DHCR7: variants seen among roughly 807,000 people sequenced by gnomAD.
DHCR7 encodes the protein 7-DHC reductase.
DHCR7 carries 40 observed loss-of-function variants against 43.3 expected under a neutral mutation model. The observed-to-expected ratio is 0.92, with a 90% CI of 0.72 to 1.20. DHCR7 has a LOEUF of 1.20. Ranked by LOEUF, DHCR7 falls within the 50% of genes most tolerant of loss-of-function variation. The probability of loss-of-function intolerance (pLI) is 0.00; values close to 1 mark genes in which losing one functional copy is unlikely to be tolerated. For missense variants in DHCR7, 608 were observed against 644.6 expected, an observed-to-expected ratio of 0.94 and a Z score of 0.62; for synonymous variants, 298 against 271.4, an observed-to-expected ratio of 1.10 and a Z score of -0.96.
chr11:71,437,490 C>T (rs1949296734), intron 8 of DHCR7, among the ~76,000 whole-genome samples: 1 of 152,114 alleles, frequency 6.6e-6, no homozygotes, highest in African/African-American at 2.4e-5. Context: ...GCAGCCCTGC[C>T]CCAGTGCCCA....
chr11:71,445,100 T>C lies in DHCR7; in HGVS notation c.-6-142A>G, dbSNP rs1207956098. 5 of 713,122 alleles carry C rather than the reference T, an allele frequency of 7.0e-6. No homozygotes were observed. The Admixed American group carries it at 1.1e-4, about 15-fold the overall frequency. The allele number at this position is 713,122 out of a possible 1,614,324, so 44.2% of individuals were successfully genotyped here. Reference sequence around the variant, plus strand: ...CGGTACCTTGTTCCTGACAGCAGATTCCAGGCAGGGAAGAGATCATCTTGT... The same window carrying C: ...CGGTACCTTGTTCCTGACAGCAGATCCCAGGCAGGGAAGAGATCATCTTGT... On this transcript the variant is annotated intron_variant, in intron 2 of 8. Transcript: ENST00000355527.
At chr11:71,437,784 G>T in intron 8 of DHCR7, 28 bp downstream of exon 8, 1 of 1,613,182 alleles carries the variant, frequency 6.2e-7, no homozygotes, top group East Asian at 2.2e-5. Flanking sequence ...CAAATGCCCC[G>T]CTGGGCCAGC....
intron 6 of DHCR7, among the ~76,000 whole-genome samples, chr11:71,440,626 GGAT>G (rs1949338859): frequency 6.6e-6 from 1 of 150,876 alleles, no homozygotes; most frequent in African/African-American, 2.4e-5. Context: ...TGTGGGTGAT[GGAT>G]AGGTGGATGG....
intron 4 of DHCR7, among the ~76,000 whole-genome samples, chr11:71,443,108 C>CG (rs1381329240): frequency 5.9e-5 from 9 of 152,234 alleles, no homozygotes; most frequent in African/African-American, 2.2e-4. Flanking sequence ...GGGTCATCCG[C>CG]CTACTGGCAT....
chr11:71,446,798 AG>A (rs1252079707), intron 2 of DHCR7, among the ~76,000 whole-genome samples: 5 of 152,274 alleles, frequency 3.3e-5, no homozygotes, highest in Non-Finnish European at 7.3e-5. Context: ...AGTTCTTGAT[AG>A]GAAGAGACCG....
At chr11:71,444,256 G>A (rs1949381590) in intron 3 of DHCR7, 41 bp from the exon 4 acceptor site, 1 of 1,494,638 alleles carries the variant, frequency 6.7e-7, no homozygotes, top group Non-Finnish European at 9.1e-7. Context: ...GGGCCCATCT[G>A]CCCTGGGCCC....
Position 71,437,963 on chromosome 11 carries a change from G to C in DHCR7, c.832-20C>G. On this transcript the variant is annotated intron_variant, in intron 7 of 8. Coordinates refer to ENST00000355527, the MANE Select transcript of DHCR7 (RefSeq NM_001360.3). ...GATGGCCTGCAAGACAGAAGCAGCC[G>C]CTGACCACCCCCGGCCCTCCTGGGG... is the stretch of plus-strand genomic sequence containing the variant. 1 of 1,610,988 alleles carries C rather than the reference G, an allele frequency of 6.2e-7. No individual in the cohort carries two copies. Among genetic ancestry groups the C allele is most frequent in the Non-Finnish European group, 8.5e-7 (1 of 1,179,930 alleles).
At chr11:71,441,942 C>A (rs78311914) in intron 5 of DHCR7, among the ~76,000 whole-genome samples, 1 of 152,174 alleles carries the variant, frequency 6.6e-6, no homozygotes, top group Non-Finnish European at 1.5e-5. Context: ...AGGTCTCCCA[C>A]GGACAGCCCC....
rs1316084875 is a variant in DHCR7 at position 71,435,573 on chromosome 11, G to A, written c.1230C>T (p.Gly410=). 2.5e-6 allele frequency: 4 copies of A among 1,610,728 alleles called. No homozygotes were observed. The highest frequency in any genetic ancestry group is 2.2e-5 in the East Asian group (1 of 44,878). The change falls in exon 9 of 9, where the codon GGC becomes GGT. Residue 410 remains glycine, a synonymous_variant. Transcript: ENST00000355527. ...WGVARHFNYV[G]DLMGSLAYCL... ...AGTAGGCCAGGCTGCCCATCAGGTCGCCGACGTAGTTGAAGTGGCGGGCCA... is the reference window on the plus strand; with the variant it reads ...AGTAGGCCAGGCTGCCCATCAGGTCACCGACGTAGTTGAAGTGGCGGGCCA...
At position 71,437,921 on chromosome 11, in the gene DHCR7, A is replaced by G; in HGVS notation, c.854T>C (p.Phe285Ser). ...CTTCAGGTACCAGGTTTCGTTCCAGAAGAAGTCAATCACGTAGATGGCCTG... is the reference window on the plus strand; with the variant it reads ...CTTCAGGTACCAGGTTTCGTTCCAGGAGAAGTCAATCACGTAGATGGCCTG... ...VLQAIYVIDF[F>S]WNETWYLKTI... is the part of the protein sequence containing the mutation. The change falls in exon 8 of 9, where the codon TTC becomes TCC. Residue 285 changes from phenylalanine (F) to serine (S), a missense_variant. Coordinates refer to ENST00000355527, the MANE Select transcript of DHCR7 (RefSeq NM_001360.3). 6.2e-7 allele frequency: 1 copy of G among 1,613,716 alleles called. No individual in the cohort carries two copies. The highest frequency in any genetic ancestry group is 8.5e-7 in the Non-Finnish European group (1 of 1,180,008).
intron 3 of DHCR7, 150 bp from the exon 4 acceptor site, chr11:71,444,365 C>T (rs752361011): frequency 9.7e-5 from 67 of 688,002 alleles, no homozygotes; most frequent in Non-Finnish European, 1.4e-4. Flanking sequence ...GCCCTCCTTG[C>T]GGCCAGGGAA....
chr11:71,440,895 C>T (rs1214268458), intron 6 of DHCR7, among the ~76,000 whole-genome samples: 2 of 152,132 alleles, frequency 1.3e-5, no homozygotes, highest in Non-Finnish European at 2.9e-5. Context: ...TTGGGCCTCA[C>T]CAGCTTATCC....
intron 6 of DHCR7, 116 bp downstream of exon 6, chr11:71,441,111 C>T: frequency 1.0e-6 from 1 of 967,378 alleles, no homozygotes; most frequent in East Asian, 2.5e-5. Flanking sequence ...CCCTCCTCCT[C>T]TTCCACGGAT....
chr11:71,447,228 T>C (rs774874278), intron 2 of DHCR7, among the ~76,000 whole-genome samples: 2 of 152,218 alleles, frequency 1.3e-5, no homozygotes, highest in Non-Finnish European at 2.9e-5. Context: ...TTATCAATTA[T>C]GTAAAACACT....
At chr11:71,448,467 G>T (rs1949429370), upstream of DHCR7, 2 of 152,252 alleles carry the variant, frequency 1.3e-5, no homozygotes, top group African/African-American at 2.4e-5. Context: ...CACGCCCGGC[G>T]GCTCCGCGCC....
In DHCR7 at chr11:71,428,525, G is replaced by A. The variant is rs1020860430; in HGVS notation, c.*298C>T. On this transcript the variant is annotated 3_prime_UTR_variant, in exon 3 of 3. Coordinates refer to the DHCR7 transcript ENST00000534795. ...CATAACTTGTTCCCGATCTTTTCAC[G>A]GTTTTTTTGCACAGGACACTGCAAT... 3 of 173,580 alleles carry A rather than the reference G, an allele frequency of 1.7e-5. No homozygotes were observed. The East Asian group carries it at 4.7e-4, about 27-fold the overall frequency. The allele number at this position is 173,580 out of a possible 1,614,324, so 10.8% of individuals were successfully genotyped here.
downstream of DHCR7, among the ~76,000 whole-genome samples, chr11:71,429,648 A>T (rs772921386): frequency 5.9e-5 from 9 of 152,166 alleles, no homozygotes; most frequent in Non-Finnish European, 1.0e-4. Context: ...GGTGAAGTCG[A>T]GTAACCTTTC....
chr11:71,437,895 TC>T lies in DHCR7; in HGVS notation c.879del (p.Thr294ProfsTer119), dbSNP rs1250060529. The T allele has an allele frequency of 1.2e-6, 2 of 1,613,848 alleles. No individual in the cohort carries two copies. The highest frequency in any genetic ancestry group is 1.7e-6 in the Non-Finnish European group (2 of 1,179,998). The part of the protein sequence containing the change: ...DFFWNETWYL[K>X]TIDICHDHFG... ...AAGTGGTCATGGCAGATGTCAATGG[TC>T]TTCAGGTACCAGGTTTCGTTCCAGA... On this transcript the variant is annotated frameshift_variant, in exon 8 of 9. Transcript: ENST00000355527. LOFTEE classifies it high-confidence loss of function.
At chr11:71,445,909 A>G (rs1209109226) in intron 2 of DHCR7, among the ~76,000 whole-genome samples, 1 of 152,254 alleles carries the variant, frequency 6.6e-6, no homozygotes, top group Non-Finnish European at 1.5e-5. Flanking sequence ...GAAGACAATG[A>G]TGAAAAACTT....
Sources: allele counts gnomAD v4.1 joint callset (sites outside exome capture counted in the v4.1 genomes callset), GRCh38; gene constraint gnomAD v4.1.1; transcripts MANE v1.5; gene names NCBI Gene and HGNC (gene_info 2026-07-23, HGNC 2026-07-21).